Variants in ARMC9 observed in about 807,000 individuals in gnomAD.
ARMC9 encodes lisH domain-containing protein ARMC9.
ARMC9 carries 94 observed loss-of-function variants against 107.0 expected under a neutral mutation model. The observed-to-expected ratio is 0.88, with a 90% CI of 0.74 to 1.04. The LOEUF is 1.04. Among genes scored for constraint, ARMC9 ranks in the 50% least tolerant of loss-of-function variants. The pLI is 0.00. For synonymous variants in ARMC9, 380 were observed against 396.9 expected (o/e 0.96, Z 0.51); for missense variants, 942 against 1,030.1 (o/e 0.91, Z 1.17).
intron 19 of ARMC9, among the ~76,000 whole-genome samples, chr2:231,317,488 A>G (rs1371873631): frequency 6.6e-6 from 1 of 151,398 alleles, no homozygotes; most frequent in East Asian, 1.9e-4. Flanking sequence ...TCTTGGATCT[A>G]TAAGTTACAG....
At position 231,282,915 on chromosome 2, in the gene ARMC9, C is replaced by T. The variant is rs567550849; in HGVS notation, c.1626+782C>T. 2.6e-5 allele frequency among the ~76,000 whole-genome samples: 4 copies of T among 152,162 alleles called. No individual in the cohort carries two copies. The East Asian group carries it at 7.7e-4, about 29-fold the overall frequency. The stretch of plus-strand genomic sequence containing the variant: ...GGAAAATAAACTTGCTTAAATTCTG[C>T]GTTATGGTCATTTAGGTGAAAGAAA... On this transcript the variant is annotated intron_variant, in intron 17 of 24. Transcript: ENST00000611582.
intron 19 of ARMC9, among the ~76,000 whole-genome samples, chr2:231,321,199 C>T (rs972943300): frequency 2.6e-5 from 4 of 152,238 alleles, no homozygotes; most frequent in Admixed American, 1.3e-4. Flanking sequence ...GCCGCCCTTG[C>T]GATCTAGAGA....
At chr2:231,222,554 G>A (rs2034251659) in intron 5 of ARMC9, among the ~76,000 whole-genome samples, 174 bp from the exon 6 acceptor site, 1 of 152,162 alleles carries the variant, frequency 6.6e-6, no homozygotes, top group African/African-American at 2.4e-5. Context: ...TGAATCTTCT[G>A]TAAATGAGTT....
intron 7 of ARMC9, among the ~76,000 whole-genome samples, chr2:231,234,684 A>T (rs2035550212): frequency 1.3e-5 from 2 of 152,148 alleles, no homozygotes; most frequent in South Asian, 4.1e-4. Context: ...GCTCACTGCA[A>T]CTGCTGCCTC....
chr2:231,289,982 C>G (rs116613550), intron 17 of ARMC9, among the ~76,000 whole-genome samples: 1,717 of 152,356 alleles, frequency 0.011, 31 homozygotes, highest in African/African-American at 0.04. Context: ...CAAGCATCCA[C>G]TCTGTGCCAG....
Position 231,239,942 on chromosome 2 carries a change from G to C in ARMC9, c.781-1G>C. 6.2e-7 allele frequency: 1 copy of C among 1,613,378 alleles called. No individual in the cohort carries two copies. The highest frequency in any genetic ancestry group is 8.5e-7 in the Non-Finnish European group (1 of 1,179,454). Reference sequence around the variant, plus strand: ...CAGATGTCTTTGTATCCTCCTTGCAGATCACCCCTGAGTACCTCCAGAGCG... The same window carrying C: ...CAGATGTCTTTGTATCCTCCTTGCACATCACCCCTGAGTACCTCCAGAGCG... On this transcript the variant is annotated splice_acceptor_variant, in intron 8 of 24. Transcript: ENST00000611582. LOFTEE classifies it high-confidence loss of function.
intron 5 of ARMC9, among the ~76,000 whole-genome samples, chr2:231,219,428 C>T (rs958392704): frequency 6.6e-6 from 1 of 152,142 alleles, no homozygotes. Flanking sequence ...ACTAGGTTTA[C>T]AGTTATTGTC....
At chr2:231,323,934 C>T (rs1377288349) in intron 19 of ARMC9, among the ~76,000 whole-genome samples, 1 of 152,100 alleles carries the variant, frequency 6.6e-6, no homozygotes, top group Non-Finnish European at 1.5e-5. Context: ...AGCCAACTGT[C>T]CCTGTTGTGA....
chr2:231,336,428 G>A (rs1040659607), intron 20 of ARMC9, among the ~76,000 whole-genome samples: 4 of 152,090 alleles, frequency 2.6e-5, no homozygotes, highest in Admixed American at 6.5e-5. Context: ...GCTTCCAGGC[G>A]TCACCTGAGC....
chr2:231,220,221 GT>G (rs2125329722), intron 5 of ARMC9, among the ~76,000 whole-genome samples: 1 of 151,594 alleles, frequency 6.6e-6, no homozygotes, highest in South Asian at 2.1e-4. Flanking sequence ...TTTTTCAGAA[GT>G]TTATTTTTTT....
At chr2:231,225,535 C>T (rs147849715) in intron 6 of ARMC9, among the ~76,000 whole-genome samples, 301 of 152,254 alleles carry the variant, frequency 2.0e-3, no homozygotes, top group Non-Finnish European at 3.5e-3. Flanking sequence ...TGATATCATC[C>T]AGCCATAAAA....
At chr2:231,198,868 C>T (rs957990271) in intron 1 of ARMC9, 170 bp downstream of exon 1, 2 of 152,534 alleles carry the variant, frequency 1.3e-5, no homozygotes, top group African/African-American at 4.8e-5. Context: ...GCCTGCGGTC[C>T]AGGGATCTTT....
At chr2:231,245,694 C>T (rs2036697825) in intron 9 of ARMC9, among the ~76,000 whole-genome samples, 1 of 152,172 alleles carries the variant, frequency 6.6e-6, no homozygotes, top group Non-Finnish European at 1.5e-5. Context: ...TTCTAGAGTT[C>T]TAATTTGAGA....
chr2:231,281,963 C>A, intron 16 of ARMC9, 96 bp from the exon 17 acceptor site: 1 of 1,198,024 alleles, frequency 8.3e-7, no homozygotes, highest in Non-Finnish European at 1.2e-6. Flanking sequence ...ACCCACTCTC[C>A]CCATTTGCCA....
intron 21 of ARMC9, among the ~76,000 whole-genome samples, chr2:231,351,631 A>G (rs745713813): frequency 3.9e-5 from 6 of 152,080 alleles, no homozygotes; most frequent in Non-Finnish European, 8.8e-5. Flanking sequence ...ACATATATAT[A>G]TGGTTTGTTT....
At chr2:231,312,586 C>T (rs1199037694) in intron 19 of ARMC9, among the ~76,000 whole-genome samples, 1 of 149,914 alleles carries the variant, frequency 6.7e-6, no homozygotes, top group Non-Finnish European at 1.5e-5. Flanking sequence ...CAGCCTTTTA[C>T]AGTTTCACAC....
chr2:231,281,147 G>A (rs1422995818), intron 16 of ARMC9, among the ~76,000 whole-genome samples: 2 of 148,130 alleles, frequency 1.4e-5, no homozygotes, highest in African/African-American at 4.9e-5. Flanking sequence ...GGGACATAGT[G>A]TGAATTTAAA....
chr2:231,205,909 C>A (rs1365932011), intron 1 of ARMC9, among the ~76,000 whole-genome samples: 1 of 152,222 alleles, frequency 6.6e-6, no homozygotes, highest in African/African-American at 2.4e-5. Flanking sequence ...TCTCATCATG[C>A]TGGCACTGAC....
chr2:231,226,733 TC>T, intron 6 of ARMC9, 40 bp from the exon 7 acceptor site: 2 of 1,606,864 alleles, frequency 1.2e-6, no homozygotes, highest in Non-Finnish European at 1.7e-6. Flanking sequence ...CAAGTACCGT[TC>T]CCTGAATGCC....
Sources: allele counts gnomAD v4.1 joint callset (sites outside exome capture counted in the v4.1 genomes callset), GRCh38; gene constraint gnomAD v4.1.1; transcripts MANE v1.5; gene names NCBI Gene and HGNC (gene_info 2026-07-23, HGNC 2026-07-21).